The following XIRP2 variants were observed in gnomAD, a reference collection of about 807,000 sequenced individuals.
The protein encoded by XIRP2 is xin actin-binding repeat-containing protein 2.
In XIRP2, 236 loss-of-function variants were observed where a neutral mutation model predicts 277.0. That is an observed-to-expected ratio of 0.85 (90% confidence interval 0.77 to 0.95). XIRP2 has a LOEUF of 0.95. Ranked by LOEUF, XIRP2 falls within the 40% of genes least tolerant of loss-of-function variation. The probability of loss-of-function intolerance (pLI) is 0.00; values close to 1 mark genes in which losing one functional copy is unlikely to be tolerated. For synonymous variants in XIRP2, 1,490 were observed against 1,416.5 expected, an observed-to-expected ratio of 1.05 and a Z score of -1.17; for missense variants, 4,640 against 4,157.5, an observed-to-expected ratio of 1.12 and a Z score of -3.19.
chr2:167,177,972 C>T (rs572380607), intron 3 of XIRP2, among the ~76,000 whole-genome samples: 4 of 150,992 alleles, frequency 2.6e-5, no homozygotes, highest in East Asian at 3.9e-4. Flanking sequence ...ATACAATGAC[C>T]GTTAAGATTT....
chr2:167,253,213 G>A (rs1255271942), intron 9 of XIRP2, among the ~76,000 whole-genome samples: 2 of 151,914 alleles, frequency 1.3e-5, no homozygotes, highest in African/African-American at 4.8e-5. Flanking sequence ...TGAAAGTTCT[G>A]TGTTAGTTTT....
chr2:167,231,523 T>A (rs1454976985), intron 5 of XIRP2, among the ~76,000 whole-genome samples: 2 of 152,020 alleles, frequency 1.3e-5, no homozygotes, highest in African/African-American at 2.4e-5. Context: ...TAAGAAGATC[T>A]CAGTGTTCAT....
At chr2:167,187,388 G>T in intron 3 of XIRP2, 1 of 985,348 alleles carries the variant, frequency 1.0e-6, no homozygotes, top group Non-Finnish European at 1.2e-6. Context: ...CCCTTCAGTG[G>T]AGCGGGCCTC....
intron 3 of XIRP2, among the ~76,000 whole-genome samples, chr2:167,189,861 C>A (rs554721264): frequency 3.9e-5 from 6 of 152,258 alleles, no homozygotes; most frequent in African/African-American, 1.4e-4. Flanking sequence ...AAGGCTCAGT[C>A]CCATGAGGCT....
chr2:167,026,067 C>T (rs1293426179), intron 2 of XIRP2, among the ~76,000 whole-genome samples: 1 of 151,928 alleles, frequency 6.6e-6, no homozygotes, highest in Non-Finnish European at 1.5e-5. Flanking sequence ...TTAAAGTCTC[C>T]CATTATTATT....
At position 167,184,571 on chromosome 2, in the gene XIRP2, C is replaced by T; in HGVS notation, c.563-26164C>T. 1 of 717,470 alleles carries T rather than the reference C, an allele frequency of 1.4e-6. No homozygotes were observed. Among genetic ancestry groups the T allele is most frequent in the Non-Finnish European group, 2.6e-6 (1 of 384,840 alleles). The allele number at this position is 717,470 out of a possible 1,614,324, so 44.4% of individuals were successfully genotyped here. A position where few individuals can be genotyped will look rare whatever the true frequency, so the allele number is the denominator to read the frequency against. On this transcript the variant is annotated intron_variant, in intron 3 of 10. Transcript: ENST00000409195. ...GTTCTCCACGGACCAAGCCCAGATT[C>T]TCAGGCTCCACCTGCATCCAAAATT...
At chr2:166,941,646 TATA>T (rs1189404515) in intron 2 of XIRP2, among the ~76,000 whole-genome samples, 1 of 152,238 alleles carries the variant, frequency 6.6e-6, no homozygotes, top group Non-Finnish European at 1.5e-5. Context: ...TGTTGAATAT[TATA>T]ATATTTTAAT....
chr2:167,242,750 C>T lies in XIRP2; in HGVS notation c.1358C>T (p.Pro453Leu), dbSNP rs758706602. The T allele has an allele frequency of 6.2e-7, 1 of 1,614,018 alleles. No individual in the cohort carries two copies. The highest frequency in any genetic ancestry group is 8.5e-7 in the Non-Finnish European group (1 of 1,179,902). ...TCTTCAGGAATGACAGAAGAATTTC[C>T]TCCTCCCCCACCTGACGTACTTCAA... ...ATSSGMTEEF[P>L]PPPPDVLQTS... is the part of the protein sequence containing the mutation. Residue 453 changes from proline to leucine, a missense_variant, in exon 9 of 11, where the codon CCT becomes CTT. By Grantham distance (98) the Pro-to-Leu change is moderately conservative. Transcript: ENST00000409195.
intron 3 of XIRP2, among the ~76,000 whole-genome samples, chr2:167,199,220 C>T (rs1693608186): frequency 6.6e-6 from 1 of 152,124 alleles, no homozygotes; most frequent in South Asian, 2.1e-4. Context: ...CATTCAGATA[C>T]CTCTAGTTCC....
At chr2:167,059,528 G>A (rs966302964) in intron 2 of XIRP2, among the ~76,000 whole-genome samples, 4 of 149,630 alleles carry the variant, frequency 2.7e-5, no homozygotes, top group Non-Finnish European at 5.9e-5. Flanking sequence ...AGATATCTCT[G>A]CAAAAGAGCA....
At chr2:167,254,268 G>A (rs1018398610) in intron 10 of XIRP2, 103 bp downstream of exon 10, 1 of 1,296,932 alleles carries the variant, frequency 7.7e-7, no homozygotes, top group African/African-American at 1.5e-5. Context: ...TCTTGTTGCT[G>A]CGTCAGTTAA....
At position 167,251,181 on chromosome 2, in the gene XIRP2, G is replaced by A; in HGVS notation, c.9789G>A (p.Arg3263=). 1 of 1,613,498 alleles carries A rather than the reference G, an allele frequency of 6.2e-7. No individual in the cohort carries two copies. The highest frequency in any genetic ancestry group is 2.2e-5 in the East Asian group (1 of 44,836). Residue 3263 remains arginine, a synonymous_variant, in exon 9 of 11, where the codon AGG becomes AGA. Transcript: ENST00000409195. The part of the protein sequence containing the change: ...RESVDAQEEI[R]KVEKRATYVH... ...CTGTGGACGCTCAAGAGGAAATCAGGAAAGTGGAGAAGAGAGCTACTTATG... is the reference window on the plus strand; with the variant it reads ...CTGTGGACGCTCAAGAGGAAATCAGAAAAGTGGAGAAGAGAGCTACTTATG...
rs536929942 is a variant in XIRP2, at chr2:167,237,724, G to A, written c.859-2131G>A. Among the ~76,000 whole-genome samples the A allele has an allele frequency of 6.6e-5, 10 of 152,282 alleles. No individual in the cohort carries two copies. In the South Asian group the frequency reaches 1.9e-3, roughly 28 times the overall value. The stretch of plus-strand genomic sequence containing the variant: ...ATGATTCTATAGAAATGATCACGGT[G>A]CCCCTCATAGGGACCTTGGTTCTGA... On this transcript the variant is annotated intron_variant, in intron 5 of 10. Coordinates refer to ENST00000409195, the MANE Select transcript of XIRP2 (RefSeq NM_152381.6).
At position 167,248,487 on chromosome 2, in the gene XIRP2, GCCT is replaced by G. The variant is rs775890249; in HGVS notation, c.7107_7109del (p.Pro2370del). 3.1e-6 allele frequency: 5 copies of G among 1,613,188 alleles called. No homozygotes were observed. In the African/African-American group the frequency reaches 5.4e-5, roughly 17 times the overall value. Reference sequence around the variant, plus strand: ...GAGAAAGTTCATCGATGTTTCTGCCGCCTCCTCCTCCTCCAACTCCATCTCAAA... The same window carrying G: ...GAGAAAGTTCATCGATGTTTCTGCCGCCTCCTCCTCCAACTCCATCTCAAA... On this transcript the variant is annotated inframe_deletion, in exon 9 of 11. Transcript: ENST00000409195.
intron 2 of XIRP2, among the ~76,000 whole-genome samples, chr2:166,905,464 T>C (rs1318681878): frequency 6.6e-6 from 1 of 151,980 alleles, no homozygotes; most frequent in Non-Finnish European, 1.5e-5. Context: ...ATTACTAATA[T>C]TCAGCATGAT....
chr2:167,210,687 T>C (rs1239891474), intron 3 of XIRP2, 48 bp from the exon 4 acceptor site: 1 of 1,595,048 alleles, frequency 6.3e-7, no homozygotes, highest in East Asian at 2.3e-5. Context: ...TGCTGTTTTC[T>C]TCTTAAAGCT....
At chr2:167,015,722 G>T (rs1198753521) in intron 2 of XIRP2, among the ~76,000 whole-genome samples, 1 of 151,520 alleles carries the variant, frequency 6.6e-6, no homozygotes, top group Non-Finnish European at 1.5e-5. Flanking sequence ...TTGAAGAGAG[G>T]GTACAGGGAA....
chr2:166,967,204 C>A (rs538482638), intron 2 of XIRP2, among the ~76,000 whole-genome samples: 1 of 151,726 alleles, frequency 6.6e-6, no homozygotes, highest in Non-Finnish European at 1.5e-5. Context: ...TAAAATAAAA[C>A]GTTTGCTGAA....
intron 2 of XIRP2, among the ~76,000 whole-genome samples, chr2:166,914,133 A>G (rs145148685): frequency 9.8e-5 from 15 of 152,302 alleles, no homozygotes; most frequent in African/African-American, 3.6e-4. Flanking sequence ...TCAGATTGAG[A>G]GAGTCGGAGG....
Sources: allele counts gnomAD v4.1 joint callset (sites outside exome capture counted in the v4.1 genomes callset), GRCh38; gene constraint gnomAD v4.1.1; transcripts MANE v1.5; gene names NCBI Gene and HGNC (gene_info 2026-07-23, HGNC 2026-07-21).